The following CDC42 variants were observed in gnomAD, a reference collection of about 807,000 sequenced individuals.
The protein encoded by CDC42 is cell division cycle 42.
A neutral mutation model predicts 20.8 loss-of-function variants in CDC42; 1 was observed. The ratio of observed to expected loss-of-function variants is 0.05; its 90% confidence interval spans 0.02 to 0.23. The LOEUF (loss-of-function observed/expected upper bound fraction) is 0.23, where lower values mean the gene tolerates loss of function less well. CDC42 is among the 10% of genes least tolerant of loss of function. The pLI, the probability that CDC42 is intolerant of heterozygous loss-of-function variation, is 1.00. For missense variants in CDC42, 49 were observed against 227.9 expected, an observed-to-expected ratio of 0.21 and a Z score of 5.05; for synonymous variants, 72 against 84.8, an observed-to-expected ratio of 0.85 and a Z score of 0.83.
Position 22,095,279 on chromosome 1 carries a change from T to G in CDC42, c.*3762T>G, listed in dbSNP as rs1055902227. On this transcript the variant is annotated 3_prime_UTR_variant, in exon 6 of 6. Transcript: ENST00000656825. ...AGGGCTGCTTGAATGCTTGAATACT[T>G]TTTTTTTTGAGATGGAGTCTCGTTC... Among the ~76,000 whole-genome samples, 2 of 151,270 alleles carry G rather than the reference T, an allele frequency of 1.3e-5. No individual in the cohort carries two copies. The highest frequency in any genetic ancestry group is 3.0e-5 in the Non-Finnish European group (2 of 67,750).
Position 22,091,557 on chromosome 1 carries a change from A to G in CDC42, c.*40A>G, listed in dbSNP as rs1316108857. 7.5e-7 allele frequency: 1 copy of G among 1,333,228 alleles called. No homozygotes were observed. The highest frequency in any genetic ancestry group is 1.1e-6 in the Non-Finnish European group (1 of 944,622). 82.6% of individuals were successfully genotyped at this position (1,333,228 alleles called of 1,614,324 possible). A position where few individuals can be genotyped will look rare whatever the true frequency, so the allele number is the denominator to read the frequency against. ...CCCTTTCTGCACAGCTGGTGTCGGC[A>G]TCATACTAAAAGCAATGTTTAAATC... On this transcript the variant is annotated 3_prime_UTR_variant, in exon 6 of 6. Transcript: ENST00000656825.
At chr1:22,077,137 C>T (rs767653533) in intron 1 of CDC42, among the ~76,000 whole-genome samples, 11 of 152,070 alleles carry the variant, frequency 7.2e-5, no homozygotes, top group Admixed American at 3.3e-4. Context: ...GCCTGGGTGA[C>T]GGGAGTAAAA....
At chr1:22,066,132 A>G (rs1193881853) in intron 1 of CDC42, among the ~76,000 whole-genome samples, 1 of 152,166 alleles carries the variant, frequency 6.6e-6, no homozygotes, top group Non-Finnish European at 1.5e-5. Context: ...CCCTTAATAT[A>G]CTGTTCAGTA....
intron 2 of CDC42, among the ~76,000 whole-genome samples, chr1:22,080,919 C>A (rs1457441178): frequency 6.6e-6 from 1 of 152,144 alleles, no homozygotes; most frequent in Non-Finnish European, 1.5e-5. Context: ...ACCTGTAATT[C>A]CAGGACTTTG....
In CDC42 at chr1:22,094,333, T is replaced by G. The variant is rs1570054563; in HGVS notation, c.*2816T>G. ...TTTTTTTTGAGACGGAGTCTCGCTC[T>G]GTCGCCCAGGCTGGAGTGCAGTGGC... On this transcript the variant is annotated 3_prime_UTR_variant, in exon 6 of 6. Transcript: ENST00000656825. Among the ~76,000 whole-genome samples, 1 of 66,284 alleles carries G rather than the reference T, an allele frequency of 1.5e-5. No individual in the cohort carries two copies. Among genetic ancestry groups the G allele is most frequent in the East Asian group, 5.7e-4 (1 of 1,764 alleles). The allele number at this position is 66,284 out of a possible 152,430, so 43.5% of individuals were successfully genotyped here. A position where few individuals can be genotyped will look rare whatever the true frequency, so the allele number is the denominator to read the frequency against.
At position 22,065,593 on chromosome 1, in the gene CDC42, C is replaced by A. The variant is rs12091211; in HGVS notation, c.-50-12836C>A. Among the ~76,000 whole-genome samples the A allele has an allele frequency of 9.4e-3, 1,426 of 152,206 alleles. 21 individuals are homozygous for A. The highest frequency in any genetic ancestry group is 0.032 in the African/African-American group (1,344 of 41,522). On this transcript the variant is annotated intron_variant, in intron 1 of 5. Transcript: ENST00000656825. ...ACTCTCTGCTAGGTGGTGTGTGTACCAGTTGCTTTATATACATTACCTCAT... is the reference window on the plus strand; with the variant it reads ...ACTCTCTGCTAGGTGGTGTGTGTACAAGTTGCTTTATATACATTACCTCAT...
chr1:22,066,094 A>G (rs996660309), intron 1 of CDC42, among the ~76,000 whole-genome samples: 1 of 152,212 alleles, frequency 6.6e-6, no homozygotes, highest in African/African-American at 2.4e-5. Flanking sequence ...AAGTTGTAAA[A>G]GACATTTAAG....
chr1:22,079,017 G>T (rs1213363938), intron 2 of CDC42: 2 of 373,412 alleles, frequency 5.4e-6, no homozygotes, highest in Non-Finnish European at 9.0e-6. Flanking sequence ...GGAGCTGTTC[G>T]CTTAGCAGTA....
intron 2 of CDC42, among the ~76,000 whole-genome samples, chr1:22,081,151 G>A (rs1645603161): frequency 6.6e-6 from 1 of 152,188 alleles, no homozygotes; most frequent in African/African-American, 2.4e-5. Flanking sequence ...CCTGGATGAC[G>A]CAGTGAGACT....
In CDC42 at chr1:22,096,342, G is replaced by A. The variant is rs1048756491; in HGVS notation, c.*4825G>A. Reference sequence around the variant, plus strand: ...TTAAGGCACTGAGGATATACAGAGAGTAAAATAGATGTCTCCTGACTTCTA... The same window carrying A: ...TTAAGGCACTGAGGATATACAGAGAATAAAATAGATGTCTCCTGACTTCTA... On this transcript the variant is annotated 3_prime_UTR_variant, in exon 6 of 6. Coordinates refer to ENST00000656825, the MANE Select transcript of CDC42 (RefSeq NM_001791.4). Among the ~76,000 whole-genome samples the A allele has an allele frequency of 6.6e-6, 1 of 152,140 alleles. No individual in the cohort carries two copies. Among genetic ancestry groups the A allele is most frequent in the Non-Finnish European group, 1.5e-5 (1 of 68,032 alleles).
intron 1 of CDC42, among the ~76,000 whole-genome samples, chr1:22,067,408 G>A (rs1337169749): frequency 1.3e-5 from 2 of 151,818 alleles, no homozygotes; most frequent in South Asian, 2.1e-4. Flanking sequence ...TCCCACCTCC[G>A]CCTCCCAAGT....
chr1:22,075,498 T>C (rs1645538781), intron 1 of CDC42, among the ~76,000 whole-genome samples: 1 of 152,194 alleles, frequency 6.6e-6, no homozygotes, highest in Admixed American at 6.5e-5. Context: ...TCTGTGTACA[T>C]GGAGGGCTGA....
chr1:22,065,940 A>G (rs1419154150), intron 1 of CDC42, among the ~76,000 whole-genome samples: 1 of 151,944 alleles, frequency 6.6e-6, no homozygotes, highest in East Asian at 1.9e-4. Flanking sequence ...TTGTAGTTTT[A>G]GCAGAGACGG....
intron 1 of CDC42, among the ~76,000 whole-genome samples, chr1:22,067,027 A>G (rs990327041): frequency 2.5e-4 from 38 of 152,110 alleles, no homozygotes; most frequent in African/African-American, 8.9e-4. Flanking sequence ...TGGGCCAAAA[A>G]AGACCTGAAG....
intron 1 of CDC42, among the ~76,000 whole-genome samples, chr1:22,061,532 CTTTTTTTTTTTTTTT>C (rs555957608): frequency 5.5e-5 from 2 of 36,184 alleles, no homozygotes; most frequent in Non-Finnish European, 1.1e-4. Flanking sequence ...ATGTTTCTTT[CTTTTTTTTTTTTTTT>C]TTTTTTTTTT....
At chr1:22,073,656 A>G (rs2152829686) in intron 1 of CDC42, among the ~76,000 whole-genome samples, 1 of 152,344 alleles carries the variant, frequency 6.6e-6, no homozygotes, top group Middle Eastern at 3.4e-3. Flanking sequence ...TATGATTGGC[A>G]GAATCATTTT....
At chr1:22,062,194 C>T (rs1645373582) in intron 1 of CDC42, among the ~76,000 whole-genome samples, 2 of 152,168 alleles carry the variant, frequency 1.3e-5, no homozygotes, top group Admixed American at 1.3e-4. Context: ...CCTTGGCCTC[C>T]CAAAGTGTTG....
At chr1:22,057,502 G>A (rs1236648547) in intron 1 of CDC42, among the ~76,000 whole-genome samples, 1 of 151,918 alleles carries the variant, frequency 6.6e-6, no homozygotes, top group Admixed American at 6.6e-5. Context: ...TTCCTGCCTC[G>A]GCCTCTTGAG....
chr1:22,054,889 A>G (rs1241954716), intron 1 of CDC42, among the ~76,000 whole-genome samples: 1 of 44,116 alleles, frequency 2.3e-5, no homozygotes, highest in Non-Finnish European at 4.6e-5. Context: ...GTTTGAATTT[A>G]TGTATATATA....
Sources: allele counts gnomAD v4.1 joint callset (sites outside exome capture counted in the v4.1 genomes callset), GRCh38; gene constraint gnomAD v4.1.1; transcripts MANE v1.5; gene names NCBI Gene and HGNC (gene_info 2026-07-23, HGNC 2026-07-21).